Variants in ACTL8 observed in about 807,000 individuals in gnomAD.
ACTL8 encodes the protein actin-like protein 8.
A neutral mutation model predicts 9.3 loss-of-function variants in ACTL8; 3 were observed. That is an observed-to-expected ratio of 0.32 (90% CI 0.15 to 0.83). The LOEUF (loss-of-function observed/expected upper bound fraction) is 0.83. ACTL8 is among the 40% of genes least tolerant of loss of function. The probability of loss-of-function intolerance (pLI) is 0.57; values close to 1 mark genes in which losing one functional copy is unlikely to be tolerated. For synonymous variants in ACTL8, 224 were observed against 205.9 expected (o/e 1.09, Z -0.75); for missense variants, 381 against 492.2 (o/e 0.77, Z 2.14).
At chr1:17,787,902 C>T (rs1046058933) in intron 1 of ACTL8, among the ~76,000 whole-genome samples, 1 of 152,226 alleles carries the variant, frequency 6.6e-6, no homozygotes, top group African/African-American at 2.4e-5. Flanking sequence ...CTGTATCTTG[C>T]CAGCAAGAGA....
chr1:17,781,968 A>G (rs2066158170), intron 1 of ACTL8, among the ~76,000 whole-genome samples: 1 of 152,228 alleles, frequency 6.6e-6, no homozygotes, highest in Non-Finnish European at 1.5e-5. Context: ...GATGGAGCCA[A>G]GAAGATATGG....
chr1:17,756,781 A>T (rs938945588), intron 1 of ACTL8, among the ~76,000 whole-genome samples: 2 of 152,170 alleles, frequency 1.3e-5, no homozygotes, highest in African/African-American at 4.8e-5. Context: ...GCATGTGGTG[A>T]CATTATATGA....
chr1:17,760,215 G>A (rs1018111634), intron 1 of ACTL8, among the ~76,000 whole-genome samples: 1 of 152,148 alleles, frequency 6.6e-6, no homozygotes, highest in Non-Finnish European at 1.5e-5. Flanking sequence ...TTGTCTAGAG[G>A]GTGCTGAGGA....
At chr1:17,810,321 C>G (rs77311495) in intron 1 of ACTL8, among the ~76,000 whole-genome samples, 3,521 of 152,254 alleles carry the variant, frequency 0.023, 127 homozygotes, top group African/African-American at 0.078. Context: ...CCTTTTCTAT[C>G]GACACATGCT....
At chr1:17,775,554 C>A (rs998433347) in intron 1 of ACTL8, among the ~76,000 whole-genome samples, 3 of 152,216 alleles carry the variant, frequency 2.0e-5, no homozygotes, top group Non-Finnish European at 4.4e-5. Context: ...ACAAGGAAAC[C>A]ATCACAGGCC....
At chr1:17,768,911 G>A (rs1432149042) in intron 1 of ACTL8, among the ~76,000 whole-genome samples, 1 of 152,140 alleles carries the variant, frequency 6.6e-6, no homozygotes, top group Non-Finnish European at 1.5e-5. Context: ...AGCGGGAGGA[G>A]TGGTCCACTG....
At chr1:17,803,685 G>C (rs956644284) in intron 1 of ACTL8, among the ~76,000 whole-genome samples, 1 of 152,174 alleles carries the variant, frequency 6.6e-6, no homozygotes, top group East Asian at 1.9e-4. Flanking sequence ...CCTGCCAAGG[G>C]TATAAGTGGG....
At chr1:17,768,301 G>A (rs529021539) in intron 1 of ACTL8, among the ~76,000 whole-genome samples, 149 of 83,510 alleles carry the variant, frequency 1.8e-3, no homozygotes, top group Non-Finnish European at 3.8e-3. Context: ...TACCCAGAGA[G>A]AGGGGACCTA....
At chr1:17,799,727 A>G (rs1047589711) in intron 1 of ACTL8, among the ~76,000 whole-genome samples, 1 of 152,098 alleles carries the variant, frequency 6.6e-6, no homozygotes, top group Non-Finnish European at 1.5e-5. Flanking sequence ...GTTTTACTTT[A>G]TAAATTTAGG....
chr1:17,818,785 G>C (rs2124190707), intron 1 of ACTL8, among the ~76,000 whole-genome samples: 1 of 152,266 alleles, frequency 6.6e-6, no homozygotes, highest in African/African-American at 2.4e-5. Context: ...TTTCTCCGCT[G>C]TACTGATCTT....
Position 17,822,965 on chromosome 1 carries a change from C to T in ACTL8, c.-24-20C>T, listed in dbSNP as rs1432803489. On this transcript the variant is annotated intron_variant, in intron 1 of 2. Transcript: ENST00000375406. ...GGCCTAGGCTGCCTGCACAACTAAC[C>T]CCATCCTTTGCTTCCGCAGGTCCCA... The T allele has an allele frequency of 3.2e-6, 5 of 1,555,052 alleles. No individual in the cohort carries two copies. The highest frequency in any genetic ancestry group is 1.7e-4 in the Middle Eastern group (1 of 5,868).
chr1:17,792,835 C>G (rs971812984), intron 1 of ACTL8, among the ~76,000 whole-genome samples: 2 of 152,194 alleles, frequency 1.3e-5, no homozygotes, highest in African/African-American at 2.4e-5. Context: ...ACAGAAGACC[C>G]TGTTATCATC....
At chr1:17,802,863 T>C (rs1296021326) in intron 1 of ACTL8, among the ~76,000 whole-genome samples, 1 of 152,128 alleles carries the variant, frequency 6.6e-6, no homozygotes, top group African/African-American at 2.4e-5. Context: ...TGGGCACCTG[T>C]AATCCCAGCT....
intron 1 of ACTL8, among the ~76,000 whole-genome samples, chr1:17,755,982 G>C (rs1038586130): frequency 8.5e-5 from 13 of 152,272 alleles, no homozygotes; most frequent in African/African-American, 2.6e-4. Context: ...CGTCAGCCCT[G>C]GGAGGGCTCT....
In ACTL8 at chr1:17,769,718, AC is replaced by A. The variant is rs1265113198; in HGVS notation, c.-25+14215del. Among the ~76,000 whole-genome samples the A allele has an allele frequency of 3.9e-5, 6 of 152,338 alleles. No individual in the cohort carries two copies. In the East Asian group the frequency reaches 1.2e-3, roughly 29 times the overall value. ...TGGGAATACAAGGGGCCTGGTGGGC[AC>A]GTGCTCAGCTCATAGAGTCAACCCC... On this transcript the variant is annotated intron_variant, in intron 1 of 2. Coordinates refer to ENST00000375406, the MANE Select transcript of ACTL8 (RefSeq NM_030812.3).
intron 1 of ACTL8, among the ~76,000 whole-genome samples, chr1:17,777,212 T>C (rs1570004938): frequency 6.6e-6 from 1 of 152,096 alleles, no homozygotes; most frequent in African/African-American, 2.4e-5. Flanking sequence ...TCTATTGTCC[T>C]GGGTCAGAAC....
Position 17,826,586 on chromosome 1 carries a change from A to T in ACTL8, c.*67A>T. 387 of 1,164,444 alleles carry T rather than the reference A, an allele frequency of 3.3e-4. No individual in the cohort carries two copies. Among genetic ancestry groups the T allele is most frequent in the East Asian group, 6.3e-4 (19 of 30,214 alleles). 72.1% of individuals were successfully genotyped at this position (1,164,444 alleles called of 1,614,324 possible). A position where few individuals can be genotyped will look rare whatever the true frequency, so the allele number is the denominator to read the frequency against. On this transcript the variant is annotated 3_prime_UTR_variant, in exon 3 of 3. Transcript: ENST00000375406. The surrounding 1 kb of genome is among the most constrained non-coding windows in gnomAD (Gnocchi z 4.5). Reference sequence around the variant, plus strand: ...GCACGGGCGGATTAATTTTAGCAAAATGTTCTGGGTGGGGGTAGAATGAGG... The same window carrying T: ...GCACGGGCGGATTAATTTTAGCAAATTGTTCTGGGTGGGGGTAGAATGAGG...
At chr1:17,805,381 T>C (rs1460418945) in intron 1 of ACTL8, among the ~76,000 whole-genome samples, 5 of 36,508 alleles carry the variant, frequency 1.4e-4, no homozygotes, top group African/African-American at 3.7e-4. Flanking sequence ...CTTTTTCTTT[T>C]TTTTTTTTTT....
In ACTL8 at chr1:17,789,686, G is replaced by T. The variant is rs535568870; in HGVS notation, c.-24-33299G>T. 9.9e-5 allele frequency among the ~76,000 whole-genome samples: 15 copies of T among 152,262 alleles called. No homozygotes were observed. In the South Asian group the frequency reaches 2.9e-3, roughly 29 times the overall value. On this transcript the variant is annotated intron_variant, in intron 1 of 2. Transcript: ENST00000375406. ...AGGTAGACATCATCATCTCCATTTT[G>T]TAGGTAAGAAACTTGGGTTCAGAGA...
Sources: gnomAD v4.1 joint callset for allele counts (sites outside exome capture counted in the v4.1 genomes callset) on GRCh38, gnomAD v4.1.1 for gene constraint, Gnocchi (gnomAD v3.1) non-coding constraint, MANE v1.5 for transcripts, NCBI Gene and HGNC (gene_info 2026-07-23, HGNC 2026-07-21) for gene names.